Variants in USP25 observed in about 807,000 individuals in gnomAD.
USP25 encodes ubiquitin specific peptidase 25.
In USP25, 85 loss-of-function variants were observed where a neutral mutation model predicts 158.5. That is an observed-to-expected ratio of 0.54 (90% CI 0.45 to 0.64). The LOEUF is 0.64. USP25 is among the 30% of genes least tolerant of loss of function. The probability of loss-of-function intolerance (pLI) is 0.00; values close to 1 mark genes in which losing one functional copy is unlikely to be tolerated. For missense variants in USP25, 1,242 were observed against 1,327.3 expected (o/e 0.94, Z 1.00); for synonymous variants, 464 against 460.4 (o/e 1.01, Z -0.10).
At chr21:15,775,157 A>G (rs772185186) in intron 3 of USP25, among the ~76,000 whole-genome samples, 1 of 152,184 alleles carries the variant, frequency 6.6e-6, no homozygotes, top group Non-Finnish European at 1.5e-5. Context: ...TTTATAAAAT[A>G]TATTTGGGGA....
chr21:15,852,617 G>T (rs916061231), intron 20 of USP25, among the ~76,000 whole-genome samples: 1 of 152,070 alleles, frequency 6.6e-6, no homozygotes, highest in African/African-American at 2.4e-5. Context: ...TGAGAAAAAT[G>T]AATGTGCCAT....
intron 17 of USP25, among the ~76,000 whole-genome samples, chr21:15,835,093 T>C (rs1250423077): frequency 6.6e-6 from 1 of 152,202 alleles, no homozygotes; most frequent in Non-Finnish European, 1.5e-5. Flanking sequence ...ATTGTTCCCT[T>C]AACATTTACT....
chr21:15,767,964 G>T (rs927261607), intron 3 of USP25, among the ~76,000 whole-genome samples: 1 of 151,906 alleles, frequency 6.6e-6, no homozygotes, highest in African/African-American at 2.4e-5. Context: ...TATTATGGAG[G>T]ACAAAAAAAA....
chr21:15,855,987 A>G (rs536872239), intron 20 of USP25, among the ~76,000 whole-genome samples: 68 of 151,992 alleles, frequency 4.5e-4, no homozygotes, highest in Non-Finnish European at 9.3e-4. Flanking sequence ...TACAGTTGTC[A>G]TTTCTTCCCT....
intron 1 of USP25, among the ~76,000 whole-genome samples, chr21:15,749,756 A>G (rs1304304755): frequency 6.6e-6 from 1 of 152,240 alleles, no homozygotes; most frequent in African/African-American, 2.4e-5. Context: ...AATAGCTGAA[A>G]TAAACTGTTG....
At chr21:15,827,316 T>G (rs1250199487) in intron 14 of USP25, 113 bp downstream of exon 14, 1 of 957,962 alleles carries the variant, frequency 1.0e-6, no homozygotes, top group Non-Finnish European at 1.5e-6. Flanking sequence ...TAGTCATTTT[T>G]CTTTTCCAGA....
intron 2 of USP25, among the ~76,000 whole-genome samples, chr21:15,765,115 C>T (rs768801007): frequency 3.3e-5 from 5 of 152,040 alleles, no homozygotes; most frequent in African/African-American, 9.7e-5. Flanking sequence ...TTATTACACC[C>T]GTGTGCATGT....
Position 15,766,407 on chromosome 21 carries a change from A to T in USP25, c.268+266A>T, listed in dbSNP as rs1004802620. ...ATATGGAATAGCTGCAGATATATTC[A>T]TAAAAGGAAGAACTAGAATTTTTAG... On this transcript the variant is annotated intron_variant, in intron 3 of 25. Transcript: ENST00000400183. This position sits in a 1 kb window ranked among gnomAD's most constrained non-coding sequence, Gnocchi z 4.0. 2.0e-5 allele frequency among the ~76,000 whole-genome samples: 3 copies of T among 152,138 alleles called. No homozygotes were observed. Among genetic ancestry groups the T allele is most frequent in the Non-Finnish European group, 2.9e-5 (2 of 67,980 alleles).
chr21:15,842,491 A>G lies in USP25; in HGVS notation c.2288A>G (p.Lys763Arg), dbSNP rs1385572476. 6 of 1,613,786 alleles carry G rather than the reference A, an allele frequency of 3.7e-6. No individual in the cohort carries two copies. The highest frequency in any genetic ancestry group is 1.7e-6 in the Non-Finnish European group (2 of 1,179,764). ...LKEETIQIIT[K>R]ASHEHEDKSP... is the part of the protein sequence containing the mutation. ...GAAGAAACTATTCAAATAATTACCA[A>G]GGCATCACATGAGCATGAAGATAAA... The change falls in exon 18 of 26, where the codon AAG becomes AGG. Residue 763 changes from lysine (K) to arginine (R), a missense_variant. Coordinates refer to ENST00000400183, the MANE Select transcript of USP25 (RefSeq NM_001283041.3).
At chr21:15,860,953 C>CAT (rs140631215) in intron 20 of USP25, among the ~76,000 whole-genome samples, 2,018 of 145,652 alleles carry the variant, frequency 0.014, 23 homozygotes, top group Non-Finnish European at 0.019. Context: ...TTGGTATCTT[C>CAT]ATATATATAT....
chr21:15,814,502 C>T (rs2036836425), intron 9 of USP25, among the ~76,000 whole-genome samples: 1 of 152,124 alleles, frequency 6.6e-6, no homozygotes, highest in South Asian at 2.1e-4. Flanking sequence ...TGTTGAATGG[C>T]TTTGACAAAA....
intron 4 of USP25, among the ~76,000 whole-genome samples, chr21:15,780,005 T>G (rs1403701667): frequency 6.6e-6 from 1 of 152,130 alleles, no homozygotes; most frequent in Non-Finnish European, 1.5e-5. Flanking sequence ...TTATCAGAGA[T>G]ATATTTGCTC....
chr21:15,867,806 C>T (rs1164598629), intron 22 of USP25, among the ~76,000 whole-genome samples: 1 of 151,978 alleles, frequency 6.6e-6, no homozygotes, highest in African/African-American at 2.4e-5. Context: ...ACAAAAGGTG[C>T]GTGTGACTTC....
chr21:15,735,065 A>G (rs1052707725), intron 1 of USP25, among the ~76,000 whole-genome samples: 1 of 152,224 alleles, frequency 6.6e-6, no homozygotes, highest in African/African-American at 2.4e-5. Flanking sequence ...GGATAAACTC[A>G]AAAGTCATGT....
intron 17 of USP25, among the ~76,000 whole-genome samples, chr21:15,838,140 C>G (rs961165994): frequency 2.0e-5 from 3 of 151,742 alleles, no homozygotes; most frequent in Non-Finnish European, 4.4e-5. Flanking sequence ...GTTGATCAGT[C>G]TTGAACTCAA....
chr21:15,873,951 C>T (rs1040085207), intron 23 of USP25, among the ~76,000 whole-genome samples: 5 of 150,320 alleles, frequency 3.3e-5, no homozygotes, highest in African/African-American at 1.3e-4. Context: ...CTAAAACTGT[C>T]TGCACATAGA....
In USP25 at chr21:15,790,755, T is replaced by C. The variant is rs1402798789; in HGVS notation, c.393-747T>C. 5.9e-5 allele frequency among the ~76,000 whole-genome samples: 9 copies of C among 151,770 alleles called. No homozygotes were observed. In the East Asian group the frequency reaches 7.7e-4, roughly 13 times the overall value. ...TGTGGGAACCAGGGTTTTCCAGTTATGATTATACTTATGTTGTTGCATGCT... is the reference window on the plus strand; with the variant it reads ...TGTGGGAACCAGGGTTTTCCAGTTACGATTATACTTATGTTGTTGCATGCT... On this transcript the variant is annotated intron_variant, in intron 4 of 25. Coordinates refer to ENST00000400183, the MANE Select transcript of USP25 (RefSeq NM_001283041.3).
chr21:15,859,880 T>TTGTTACATTA (rs1358932580), intron 20 of USP25, among the ~76,000 whole-genome samples: 1 of 150,858 alleles, frequency 6.6e-6, no homozygotes, highest in African/African-American at 2.4e-5. Context: ...GACTATCAAA[T>TTGTTACATTA]TGTTACATTA....
intron 1 of USP25, among the ~76,000 whole-genome samples, chr21:15,732,768 C>G (rs1414326766): frequency 6.6e-6 from 1 of 152,080 alleles, no homozygotes; most frequent in Non-Finnish European, 1.5e-5. Flanking sequence ...GTTTGCAGCA[C>G]CACACTACAC....
Sources: allele counts gnomAD v4.1 joint callset (sites outside exome capture counted in the v4.1 genomes callset), GRCh38; gene constraint gnomAD v4.1.1; non-coding constraint Gnocchi (gnomAD v3.1); transcripts MANE v1.5; gene names NCBI Gene and HGNC (gene_info 2026-07-23, HGNC 2026-07-21).